TRAPPC9: variants seen among roughly 807,000 people sequenced by gnomAD.
TRAPPC9 encodes the protein IKK2 binding protein.
In TRAPPC9, 83 loss-of-function variants were observed where a neutral mutation model predicts 124.0. That is an observed-to-expected ratio of 0.67 (90% CI 0.56 to 0.80). TRAPPC9 has a LOEUF of 0.80. TRAPPC9 is among the 30% of genes least tolerant of loss of function. The probability of loss-of-function intolerance (pLI) is 0.00; values close to 1 mark genes in which losing one functional copy is unlikely to be tolerated. For synonymous variants in TRAPPC9, 638 were observed against 617.5 expected (o/e 1.03, Z -0.49); for missense variants, 1,302 against 1,508.3 (o/e 0.86, Z 2.27).
At chr8:140,288,547 T>C (rs2065555832) in intron 12 of TRAPPC9, among the ~76,000 whole-genome samples, 1 of 152,118 alleles carries the variant, frequency 6.6e-6, no homozygotes, top group African/African-American at 2.4e-5. Flanking sequence ...CTTCTCAGCA[T>C]TGTAACAGAG....
intron 17 of TRAPPC9, among the ~76,000 whole-genome samples, chr8:140,112,114 T>G (rs956326077): frequency 2.0e-5 from 3 of 152,362 alleles, no homozygotes; most frequent in Admixed American, 6.5e-5. Context: ...ACGGGAAGCT[T>G]TGGCTCGCCT....
At chr8:140,312,777 T>G (rs1371772881) in intron 9 of TRAPPC9, among the ~76,000 whole-genome samples, 1 of 142,688 alleles carries the variant, frequency 7.0e-6, no homozygotes, top group Non-Finnish European at 1.5e-5. Flanking sequence ...TTTTTTTTTT[T>G]GAAACAGGAT....
chr8:139,989,686 G>A (rs938633365), intron 18 of TRAPPC9, among the ~76,000 whole-genome samples: 6 of 152,162 alleles, frequency 3.9e-5, no homozygotes, highest in Non-Finnish European at 8.8e-5. Context: ...GAGCAGGGTC[G>A]GAGGCGCTTG....
At chr8:140,190,909 A>G (rs1361669253) in intron 17 of TRAPPC9, among the ~76,000 whole-genome samples, 1 of 152,232 alleles carries the variant, frequency 6.6e-6, no homozygotes, top group African/African-American at 2.4e-5. Context: ...TGCTGCCACC[A>G]AACAGATGCT....
chr8:140,202,427 A>C (rs999392403), intron 17 of TRAPPC9, among the ~76,000 whole-genome samples: 4 of 152,204 alleles, frequency 2.6e-5, no homozygotes, highest in Non-Finnish European at 4.4e-5. Flanking sequence ...GGGGGAAAAA[A>C]AGTAGCATCT....
intron 17 of TRAPPC9, among the ~76,000 whole-genome samples, chr8:140,185,803 GAA>G (rs995915476): frequency 6.6e-6 from 1 of 152,230 alleles, no homozygotes; most frequent in African/African-American, 2.4e-5. Context: ...TTTTAGGTGA[GAA>G]CTGATGCAAA....
chr8:140,019,540 G>GTTTT (rs1454705799), intron 18 of TRAPPC9, among the ~76,000 whole-genome samples: 2 of 73,276 alleles, frequency 2.7e-5, no homozygotes, highest in African/African-American at 6.0e-5. Flanking sequence ...AGTAATTTGT[G>GTTTT]TCTTTTTTTT....
At chr8:140,416,351 A>G (rs1221231298) in intron 5 of TRAPPC9, among the ~76,000 whole-genome samples, 2 of 152,194 alleles carry the variant, frequency 1.3e-5, no homozygotes, top group Non-Finnish European at 2.9e-5. Context: ...TAGAAAATCT[A>G]AATAGACCCA....
intron 14 of TRAPPC9, among the ~76,000 whole-genome samples, chr8:140,277,918 G>GC (rs1192835280): frequency 6.6e-6 from 1 of 152,172 alleles, no homozygotes; most frequent in Non-Finnish European, 1.5e-5. Flanking sequence ...TAAGGAGATG[G>GC]CCCCTCATAT....
chr8:140,349,103 C>CG (rs1275011054), intron 9 of TRAPPC9, among the ~76,000 whole-genome samples: 15 of 88,724 alleles, frequency 1.7e-4, no homozygotes, highest in Non-Finnish European at 2.6e-4. Context: ...GAAGGGCAAG[C>CG]GGGGGGGCTG....
intron 21 of TRAPPC9, among the ~76,000 whole-genome samples, chr8:139,762,476 G>C (rs774116289): frequency 6.6e-6 from 1 of 152,154 alleles, no homozygotes; most frequent in Non-Finnish European, 1.5e-5. Flanking sequence ...GCCGTGTGGT[G>C]GAGCCCATTG....
chr8:139,775,004 G>C (rs535939838), intron 21 of TRAPPC9, among the ~76,000 whole-genome samples: 2 of 152,336 alleles, frequency 1.3e-5, no homozygotes, highest in East Asian at 3.9e-4. Context: ...CAGATAGTGG[G>C]GCACAGGCTG....
chr8:140,013,211 T>C (rs899926688), intron 18 of TRAPPC9, among the ~76,000 whole-genome samples: 3 of 152,110 alleles, frequency 2.0e-5, no homozygotes, highest in East Asian at 3.9e-4. Flanking sequence ...CCCATCACAG[T>C]CGCAGCAGCT....
At chr8:139,864,526 TG>T (rs1196803205) in intron 21 of TRAPPC9, among the ~76,000 whole-genome samples, 2 of 152,226 alleles carry the variant, frequency 1.3e-5, no homozygotes, top group Non-Finnish European at 2.9e-5. Flanking sequence ...CCTCGTCCTG[TG>T]GATGGCACCA....
At position 140,451,008 on chromosome 8, in the gene TRAPPC9, C is replaced by T. The variant is rs1327350110; in HGVS notation, c.366G>A (p.Gly122=). ...CGGTGCGCGGCTGCTCCACGATCTC[C>T]CCCTGCAGCCCGAAGACAAAGAGCC... is the stretch of plus-strand genomic sequence containing the variant. The part of the protein sequence containing the change: ...DSRLFVFGLQ[G]EIVEQPRTDV... The change falls in exon 2 of 23, where the codon GGG becomes GGA. Residue 122 remains glycine, a synonymous_variant. Transcript: ENST00000438773. The T allele has an allele frequency of 6.2e-7, 1 of 1,614,132 alleles. No individual in the cohort carries two copies. The highest frequency in any genetic ancestry group is 1.1e-5 in the South Asian group (1 of 91,074).
chr8:140,450,019 A>C (rs904806083), intron 2 of TRAPPC9, among the ~76,000 whole-genome samples: 3 of 152,236 alleles, frequency 2.0e-5, no homozygotes, highest in Non-Finnish European at 2.9e-5. Flanking sequence ...TTAACCTAAG[A>C]TATGTAAAAT....
intron 9 of TRAPPC9, among the ~76,000 whole-genome samples, chr8:140,328,722 A>T (rs1030409169): frequency 1.5e-4 from 22 of 150,346 alleles, no homozygotes; most frequent in Non-Finnish European, 2.7e-4. Flanking sequence ...TATGGAAATA[A>T]TTTTTTTTTT....
chr8:140,255,189 G>T (rs1432215792), intron 15 of TRAPPC9, among the ~76,000 whole-genome samples: 1 of 152,192 alleles, frequency 6.6e-6, no homozygotes, highest in Non-Finnish European at 1.5e-5. Context: ...CAGCGTCCTT[G>T]AAAAGTGTTT....
intron 18 of TRAPPC9, among the ~76,000 whole-genome samples, chr8:140,005,281 C>T (rs1323866565): frequency 2.6e-5 from 4 of 152,172 alleles, no homozygotes; most frequent in South Asian, 4.1e-4. Context: ...ACACCAGGGA[C>T]TCTGACTTCT....
Sources: allele counts gnomAD v4.1 joint callset (sites outside exome capture counted in the v4.1 genomes callset), GRCh38; gene constraint gnomAD v4.1.1; transcripts MANE v1.5; gene names NCBI Gene and HGNC (gene_info 2026-07-23, HGNC 2026-07-21).